GALNTL6: variants seen among roughly 807,000 people sequenced by gnomAD.
GALNTL6 encodes polypeptide N-acetylgalactosaminyltransferase like 6.
Under a neutral mutation model 73.7 loss-of-function variants are expected in GALNTL6, and 46 were observed. The observed-to-expected ratio is 0.62, with a 90% confidence interval of 0.49 to 0.80. GALNTL6 has a LOEUF of 0.80. Ranked by LOEUF, GALNTL6 falls within the 30% of genes least tolerant of loss-of-function variation. The pLI is 0.00. For missense variants in GALNTL6, 604 were observed against 755.0 expected, an observed-to-expected ratio of 0.80 and a Z score of 2.34; for synonymous variants, 259 against 263.7, an observed-to-expected ratio of 0.98 and a Z score of 0.17.
At chr4:172,058,471 G>C (rs935520025) in intron 2 of GALNTL6, among the ~76,000 whole-genome samples, 1 of 151,918 alleles carries the variant, frequency 6.6e-6, no homozygotes, top group African/African-American at 2.4e-5. Flanking sequence ...AAGTTTTGCA[G>C]TTACCTTGGT....
chr4:172,023,776 A>G (rs1021909976), intron 2 of GALNTL6, among the ~76,000 whole-genome samples: 10 of 151,906 alleles, frequency 6.6e-5, no homozygotes, highest in African/African-American at 2.4e-4. Context: ...TAAGTTGTAT[A>G]GTCCTACCCT....
chr4:172,833,442 C>A (rs116574903), intron 7 of GALNTL6, among the ~76,000 whole-genome samples: 1 of 152,028 alleles, frequency 6.6e-6, no homozygotes, highest in African/African-American at 2.4e-5. Flanking sequence ...CTAGACAGGG[C>A]GAAATAAGGC....
rs193020740 is a variant in GALNTL6 at position 172,571,104 on chromosome 4, C to T, written c.553+222415C>T. Among the ~76,000 whole-genome samples, 811 of 152,272 alleles carry T rather than the reference C, an allele frequency of 5.3e-3. 4 individuals carry two copies. The highest frequency in any genetic ancestry group is 9.0e-3 in the Non-Finnish European group (612 of 68,016). On this transcript the variant is annotated intron_variant, in intron 5 of 12. Transcript: ENST00000506823. ...GCGTGGCCTGGTTCCTAAAAGGCCA[C>T]AGACTGGTATAGGGGTTGGGGACCC...
intron 5 of GALNTL6, among the ~76,000 whole-genome samples, chr4:172,424,610 C>T (rs77808811): frequency 0.019 from 2,936 of 152,186 alleles, 92 homozygotes; most frequent in African/African-American, 0.066. Flanking sequence ...TGGAGATGAG[C>T]GGCTGCTCCA....
At chr4:172,618,268 A>T (rs1738822897) in intron 5 of GALNTL6, among the ~76,000 whole-genome samples, 1 of 152,172 alleles carries the variant, frequency 6.6e-6, no homozygotes, top group Non-Finnish European at 1.5e-5. Flanking sequence ...CTCCTTCATT[A>T]ACACTAAGTG....
chr4:172,642,089 G>T (rs1560852465), intron 5 of GALNTL6, among the ~76,000 whole-genome samples: 1 of 152,014 alleles, frequency 6.6e-6, no homozygotes, highest in Non-Finnish European at 1.5e-5. Context: ...GTGTTGGCAA[G>T]TATGTGAAGA....
intron 5 of GALNTL6, among the ~76,000 whole-genome samples, chr4:172,368,472 A>T (rs1344664615): frequency 6.6e-6 from 1 of 152,210 alleles, no homozygotes; most frequent in East Asian, 1.9e-4. Context: ...GTACACCAAT[A>T]AGTTTTCAAT....
chr4:172,749,129 T>C (rs1302726308), intron 5 of GALNTL6, among the ~76,000 whole-genome samples: 1 of 151,836 alleles, frequency 6.6e-6, no homozygotes, highest in East Asian at 1.9e-4. Flanking sequence ...CACCATGTTA[T>C]CCAGGCTGGT....
rs1739838717 is a variant in GALNTL6 at position 171,979,795 on chromosome 4, G to T, written c.138+165077G>T. 2.0e-5 allele frequency among the ~76,000 whole-genome samples: 3 copies of T among 147,008 alleles called. No individual in the cohort carries two copies. In the South Asian group the frequency reaches 6.8e-4, roughly 33 times the overall value. ...CGAGCCAAGCTTCCCTCTGGCAAGT[G>T]GCCATGTAACTATATTTCTAATGCC... On this transcript the variant is annotated intron_variant, in intron 2 of 12. Coordinates refer to ENST00000506823, the MANE Select transcript of GALNTL6 (RefSeq NM_001034845.3).
chr4:172,296,199 C>T (rs1470562141), intron 3 of GALNTL6, among the ~76,000 whole-genome samples: 1 of 152,084 alleles, frequency 6.6e-6, no homozygotes, highest in Non-Finnish European at 1.5e-5. Context: ...TCGGCTTTTA[C>T]TCCAATGAAT....
intron 2 of GALNTL6, among the ~76,000 whole-genome samples, chr4:171,956,898 G>A (rs191221743): frequency 7.8e-4 from 119 of 152,182 alleles, no homozygotes; most frequent in African/African-American, 2.4e-3. Flanking sequence ...CCAGCCTTCC[G>A]AGTTGTAGAA....
intron 2 of GALNTL6, among the ~76,000 whole-genome samples, chr4:171,945,810 T>C (rs1245273528): frequency 2.6e-5 from 4 of 152,170 alleles, no homozygotes; most frequent in Non-Finnish European, 2.9e-5. Context: ...GCTCAAAATT[T>C]GCTTGCAAAT....
intron 5 of GALNTL6, among the ~76,000 whole-genome samples, chr4:172,487,290 C>T (rs1205556533): frequency 1.4e-5 from 1 of 72,496 alleles, no homozygotes; most frequent in Admixed American, 1.5e-4. Context: ...TTCTTTCCTT[C>T]TTTCCTTCTG....
At chr4:173,002,538 T>C (rs537011229) in intron 10 of GALNTL6, among the ~76,000 whole-genome samples, 3 of 152,026 alleles carry the variant, frequency 2.0e-5, no homozygotes, top group Non-Finnish European at 4.4e-5. Flanking sequence ...CTCACACCTG[T>C]AATCCCAGCA....
At chr4:172,212,528 G>C (rs1736359862) in intron 2 of GALNTL6, among the ~76,000 whole-genome samples, 1 of 152,098 alleles carries the variant, frequency 6.6e-6, no homozygotes, top group Non-Finnish European at 1.5e-5. Context: ...TGGATTTTGA[G>C]AAATGCAGAC....
chr4:172,935,589 A>G (rs963320181), intron 9 of GALNTL6, among the ~76,000 whole-genome samples: 1 of 152,192 alleles, frequency 6.6e-6, no homozygotes, highest in African/African-American at 2.4e-5. Context: ...TAAAAAAATG[A>G]TAAAGGGGAT....
Position 172,294,386 on chromosome 4 carries a change from G to T in GALNTL6, c.248-17228G>T, listed in dbSNP as rs147370008. On this transcript the variant is annotated intron_variant, in intron 3 of 12. Transcript: ENST00000506823. ...ATGTAGTTAAAAATGTTCAGTCCAT[G>T]ACATTCTGACAGTTTGCGATTTTTA... Among the ~76,000 whole-genome samples the T allele has an allele frequency of 9.3e-3, 1,408 of 152,168 alleles. 11 individuals carry two copies. The highest frequency in any genetic ancestry group is 0.017 in the Middle Eastern group (5 of 294).
rs1164214955 is a variant in GALNTL6 at position 172,075,791 on chromosome 4, G to A, written c.139-153865G>A. On this transcript the variant is annotated intron_variant, in intron 2 of 12. Coordinates refer to ENST00000506823, the MANE Select transcript of GALNTL6 (RefSeq NM_001034845.3). ...AAAGACAGAGAGAGAGAGAGAGAGC[G>A]ATCACTGTGTTAGAAAAGTGGGCAA... 6.6e-5 allele frequency among the ~76,000 whole-genome samples: 10 copies of A among 152,136 alleles called. 1 individual carries two copies. Among genetic ancestry groups the A allele is most frequent in the South Asian group, 2.1e-4 (1 of 4,830 alleles).
At chr4:172,707,927 G>T (rs1258172471) in intron 5 of GALNTL6, among the ~76,000 whole-genome samples, 3 of 152,104 alleles carry the variant, frequency 2.0e-5, no homozygotes, top group African/African-American at 7.2e-5. Context: ...TCCAGCAGGG[G>T]TGGGGTTGGG....
Sources: gnomAD v4.1 joint callset for allele counts (sites outside exome capture counted in the v4.1 genomes callset) on GRCh38, gnomAD v4.1.1 for gene constraint, MANE v1.5 for transcripts, NCBI Gene and HGNC (gene_info 2026-07-23, HGNC 2026-07-21) for gene names.